Variants in HDAC9 observed in about 807,000 individuals in gnomAD.
HDAC9 encodes histone deacetylase 9.
In HDAC9, 41 loss-of-function variants were observed where a neutral mutation model predicts 139.4. The observed-to-expected ratio is 0.29, with a 90% CI of 0.23 to 0.38. The LOEUF (loss-of-function observed/expected upper bound fraction) is 0.38, where lower values mean the gene tolerates loss of function less well. HDAC9 is among the 10% of genes least tolerant of loss of function. The probability of loss-of-function intolerance (pLI) is 1.00; values close to 1 mark genes in which losing one functional copy is unlikely to be tolerated. For missense variants in HDAC9, 1,147 were observed against 1,297.0 expected (o/e 0.88, Z 1.78); for synonymous variants, 517 against 476.2 (o/e 1.09, Z -1.12).
intron 1 of HDAC9, among the ~76,000 whole-genome samples, chr7:18,399,595 T>C (rs1185032562): frequency 1.3e-5 from 2 of 152,158 alleles, no homozygotes; most frequent in Admixed American, 6.5e-5. Context: ...AGGAAAGTGA[T>C]TGTCATTCAA....
intron 2 of HDAC9, among the ~76,000 whole-genome samples, chr7:18,174,845 C>T (rs1273282164): frequency 6.6e-6 from 1 of 152,164 alleles, no homozygotes. Flanking sequence ...CAGATGGGCA[C>T]CTGCCTGTAT....
intron 1 of HDAC9, among the ~76,000 whole-genome samples, chr7:18,369,930 T>C (rs991391285): frequency 3.9e-5 from 6 of 152,120 alleles, no homozygotes; most frequent in African/African-American, 1.4e-4. Context: ...AGGTCAACTT[T>C]CTCATCACCT....
intron 12 of HDAC9, among the ~76,000 whole-genome samples, chr7:18,709,668 AC>A (rs1324039843): frequency 1.3e-5 from 2 of 152,206 alleles, no homozygotes; most frequent in Admixed American, 6.5e-5. Flanking sequence ...CTGTGAATAA[AC>A]CAGACACATT....
At chr7:18,501,245 T>C (rs181804221) in intron 2 of HDAC9, among the ~76,000 whole-genome samples, 55 of 152,140 alleles carry the variant, frequency 3.6e-4, no homozygotes, top group African/African-American at 1.3e-3. Flanking sequence ...AAAACAGATA[T>C]TATAAAGTAG....
At chr7:18,207,639 C>T (rs1791630716) in intron 2 of HDAC9, among the ~76,000 whole-genome samples, 1 of 148,176 alleles carries the variant, frequency 6.7e-6, no homozygotes, top group Non-Finnish European at 1.5e-5. Context: ...TTTTGCCACA[C>T]ACGTGTGCAT....
At chr7:18,214,196 G>C (rs7795525) in intron 2 of HDAC9, among the ~76,000 whole-genome samples, 43,287 of 151,724 alleles carry the variant, frequency 0.29, 6,689 homozygotes, top group South Asian at 0.42. Flanking sequence ...GAGTATAATT[G>C]TTCTAGAATT....
At chr7:18,732,096 G>A (rs762773342) in intron 13 of HDAC9, among the ~76,000 whole-genome samples, 1 of 152,184 alleles carries the variant, frequency 6.6e-6, no homozygotes, top group African/African-American at 2.4e-5. Context: ...CCAACCTCAG[G>A]TGATCCACCC....
chr7:18,590,512 G>A (rs372111811), intron 4 of HDAC9, 26 bp downstream of exon 4: 11 of 1,576,930 alleles, frequency 7.0e-6, no homozygotes, highest in Non-Finnish European at 8.6e-6. Context: ...GTAAACGATG[G>A]ACTCTCTTTC....
At chr7:18,129,647 G>A (rs1447533117) in intron 1 of HDAC9, among the ~76,000 whole-genome samples, 1 of 152,076 alleles carries the variant, frequency 6.6e-6, no homozygotes, top group African/African-American at 2.4e-5. Flanking sequence ...TGTAGCTTGT[G>A]CAGTCTTGTA....
intron 2 of HDAC9, among the ~76,000 whole-genome samples, chr7:18,242,344 G>T (rs1323946604): frequency 6.6e-6 from 1 of 152,154 alleles, no homozygotes; most frequent in Non-Finnish European, 1.5e-5. Context: ...GTAGAATTTT[G>T]TAAGGTTGTA....
At chr7:18,820,947 A>G (rs1354525374) in intron 17 of HDAC9, among the ~76,000 whole-genome samples, 2 of 152,184 alleles carry the variant, frequency 1.3e-5, no homozygotes, top group African/African-American at 2.4e-5. Flanking sequence ...CAGATGCAGT[A>G]ATGTATGATA....
intron 2 of HDAC9, among the ~76,000 whole-genome samples, chr7:18,176,583 T>C (rs1008406671): frequency 3.3e-5 from 5 of 152,188 alleles, no homozygotes; most frequent in African/African-American, 1.2e-4. Context: ...TTATTATAAT[T>C]AGAGATTTTT....
In HDAC9 at chr7:18,495,806, T is replaced by C; in HGVS notation, c.-259T>C. ...CACCGGCTGGAGCCACTTGCAGGAC[T>C]GAGGGTTTTTGCAACAAAACCCTAG... On this transcript the variant is annotated 5_prime_UTR_variant, in exon 1 of 26. Coordinates refer to ENST00000686413, the MANE Select transcript of HDAC9 (RefSeq NM_178425.4). 1 of 1,010,242 alleles carries C rather than the reference T, an allele frequency of 9.9e-7. No individual in the cohort carries two copies. The highest frequency in any genetic ancestry group is 1.2e-6 in the Non-Finnish European group (1 of 846,586). The allele number at this position is 1,010,242 out of a possible 1,614,324, so 62.6% of individuals were successfully genotyped here.
intron 17 of HDAC9, among the ~76,000 whole-genome samples, chr7:18,813,677 A>T (rs865812605): frequency 1.3e-5 from 2 of 152,150 alleles, no homozygotes; most frequent in Admixed American, 1.3e-4. Flanking sequence ...TTTGTGGGAA[A>T]CTACCTTGTT....
intron 11 of HDAC9, among the ~76,000 whole-genome samples, chr7:18,653,941 A>G (rs775900415): frequency 2.2e-4 from 34 of 152,230 alleles, no homozygotes; most frequent in East Asian, 5.8e-4. Context: ...CTAAGAGAGT[A>G]TATTCCTTCA....
At chr7:18,499,112 A>G (rs1797706188) in intron 2 of HDAC9, among the ~76,000 whole-genome samples, 1 of 151,750 alleles carries the variant, frequency 6.6e-6, no homozygotes, top group South Asian at 2.1e-4. Context: ...GTTCTCTGAA[A>G]TGTCTCATTA....
intron 22 of HDAC9, among the ~76,000 whole-genome samples, chr7:18,881,124 C>T (rs1284538961): frequency 1.3e-5 from 2 of 151,984 alleles, no homozygotes; most frequent in Non-Finnish European, 2.9e-5. Flanking sequence ...AAACAAATGC[C>T]AAGAAACAAA....
At chr7:18,845,205 C>T (rs1395597668) in intron 21 of HDAC9, among the ~76,000 whole-genome samples, 1 of 152,020 alleles carries the variant, frequency 6.6e-6, no homozygotes, top group Non-Finnish European at 1.5e-5. Flanking sequence ...TGAAGGAAGG[C>T]TCACTCACCT....
rs367960610 is a variant in HDAC9 at position 18,549,496 on chromosome 7, C to G, written c.23-35785C>G. Among the ~76,000 whole-genome samples the G allele has an allele frequency of 7.2e-3, 1,095 of 152,146 alleles. 11 individuals carry two copies. The highest frequency in any genetic ancestry group is 0.025 in the African/African-American group (1,033 of 41,510). On this transcript the variant is annotated intron_variant, in intron 2 of 25. Coordinates refer to ENST00000686413, the MANE Select transcript of HDAC9 (RefSeq NM_178425.4). ...AATAAAAATGAATGTACTGTTGATA[C>G]AGACAACAGCTTGGATGGACCTCTA...
Sources: gnomAD v4.1 joint callset for allele counts (sites outside exome capture counted in the v4.1 genomes callset) on GRCh38, gnomAD v4.1.1 for gene constraint, MANE v1.5 for transcripts, NCBI Gene and HGNC (gene_info 2026-07-23, HGNC 2026-07-21) for gene names.